AGBL4: variants seen among roughly 807,000 people sequenced by gnomAD.
AGBL4 encodes AGBL carboxypeptidase 4.
In AGBL4, 58 loss-of-function variants were observed where a neutral mutation model predicts 66.4. That is an observed-to-expected ratio of 0.87 (90% CI 0.71 to 1.09). The LOEUF (loss-of-function observed/expected upper bound fraction) is 1.09. Ranked by LOEUF, AGBL4 falls within the 50% of genes least tolerant of loss-of-function variation. The pLI is 0.00. For missense variants in AGBL4, 579 were observed against 631.0 expected, an observed-to-expected ratio of 0.92 and a Z score of 0.88; for synonymous variants, 234 against 222.9, an observed-to-expected ratio of 1.05 and a Z score of -0.44.
chr1:48,949,561 C>T (rs1210439665), intron 5 of AGBL4, among the ~76,000 whole-genome samples: 1 of 152,306 alleles, frequency 6.6e-6, no homozygotes, highest in African/African-American at 2.4e-5. Context: ...ACAAGAGCAT[C>T]CATAAGAGAG....
At chr1:49,939,705 A>G (rs1037341664) in intron 1 of AGBL4, among the ~76,000 whole-genome samples, 1 of 152,220 alleles carries the variant, frequency 6.6e-6, no homozygotes, top group Non-Finnish European at 1.5e-5. Context: ...AATTAATTCA[A>G]GATGGATTAG....
chr1:49,969,352 A>G (rs943552237), intron 1 of AGBL4, among the ~76,000 whole-genome samples: 1 of 152,100 alleles, frequency 6.6e-6, no homozygotes, highest in Non-Finnish European at 1.5e-5. Context: ...GTGTGTGTAT[A>G]TGTGTGGTGT....
rs75933479 is a variant in AGBL4 at position 49,559,093 on chromosome 1, C to T, written c.282+138220G>A. On this transcript the variant is annotated intron_variant, in intron 3 of 13. Transcript: ENST00000371839. Reference sequence around the variant, plus strand: ...AGAGCCCCAGAGCCTTTATGAACATCGGAAGTACCTAAGGTCTTGGGTGAG... The same window carrying T: ...AGAGCCCCAGAGCCTTTATGAACATTGGAAGTACCTAAGGTCTTGGGTGAG... Among the ~76,000 whole-genome samples, 427 of 152,234 alleles carry T rather than the reference C, an allele frequency of 2.8e-3. 5 individuals carry two copies. Among genetic ancestry groups the T allele is most frequent in the African/African-American group, 9.1e-3 (380 of 41,544 alleles).
chr1:48,952,385 A>G (rs1281295981), intron 5 of AGBL4, among the ~76,000 whole-genome samples: 1 of 152,242 alleles, frequency 6.6e-6, no homozygotes, highest in Non-Finnish European at 1.5e-5. Context: ...AATATCAGAT[A>G]ATAATAACAG....
chr1:49,226,676 C>A (rs1456537307), intron 4 of AGBL4, among the ~76,000 whole-genome samples: 1 of 152,168 alleles, frequency 6.6e-6, no homozygotes, highest in Non-Finnish European at 1.5e-5. Context: ...CCATCTTCTA[C>A]TTTAGCCCCT....
chr1:49,753,543 G>A (rs189254638), intron 2 of AGBL4, among the ~76,000 whole-genome samples: 1 of 152,122 alleles, frequency 6.6e-6, no homozygotes, highest in African/African-American at 2.4e-5. Flanking sequence ...ACAATTATGT[G>A]TCTTGGGGTT....
At chr1:48,707,687 G>T (rs1296300355) in intron 6 of AGBL4, among the ~76,000 whole-genome samples, 1 of 152,160 alleles carries the variant, frequency 6.6e-6, no homozygotes, top group Non-Finnish European at 1.5e-5. Context: ...GCTGGGAATT[G>T]GGTGTTTCTC....
At chr1:49,503,508 T>C in intron 3 of AGBL4, among the ~76,000 whole-genome samples, 1 of 152,098 alleles carries the variant, frequency 6.6e-6, no homozygotes, top group East Asian at 1.9e-4. Context: ...GCTTGCTCTG[T>C]GCACCTGGAA....
At chr1:49,537,004 C>G (rs1651645105) in intron 3 of AGBL4, among the ~76,000 whole-genome samples, 2 of 149,116 alleles carry the variant, frequency 1.3e-5, no homozygotes, top group South Asian at 4.2e-4. Flanking sequence ...AAGACTCCAT[C>G]TCAAAAAAAA....
intron 5 of AGBL4, among the ~76,000 whole-genome samples, chr1:49,039,199 T>C (rs910851640): frequency 7.2e-5 from 11 of 152,032 alleles, no homozygotes; most frequent in Non-Finnish European, 4.4e-5. Context: ...GAAGGATGAA[T>C]AGGTGAGGTA....
intron 3 of AGBL4, among the ~76,000 whole-genome samples, chr1:49,267,186 A>G (rs1185397954): frequency 2.6e-5 from 4 of 152,330 alleles, no homozygotes; most frequent in South Asian, 2.1e-4. Flanking sequence ...GCCACTTCCC[A>G]AAAGATGATG....
At chr1:49,750,268 T>G (rs2147834615) in intron 2 of AGBL4, among the ~76,000 whole-genome samples, 1 of 152,294 alleles carries the variant, frequency 6.6e-6, no homozygotes. Context: ...AGTTAATTTT[T>G]GTATAAGGTG....
At chr1:49,727,561 T>C (rs1177216278) in intron 2 of AGBL4, among the ~76,000 whole-genome samples, 1 of 151,908 alleles carries the variant, frequency 6.6e-6, no homozygotes, top group Non-Finnish European at 1.5e-5. Flanking sequence ...TTGAAATGCA[T>C]ATGATTGACA....
chr1:48,706,251 G>T (rs1646878986), intron 6 of AGBL4, among the ~76,000 whole-genome samples: 1 of 151,996 alleles, frequency 6.6e-6, no homozygotes, highest in African/African-American at 2.4e-5. Context: ...GAAGAAAAAT[G>T]CCAAAAGGAA....
rs140702676 is a variant in AGBL4, at chr1:48,862,799, G to T, written c.634+4392C>A. 2.0e-3 allele frequency among the ~76,000 whole-genome samples: 311 copies of T among 152,188 alleles called. 10 individuals are homozygous for T. In the East Asian group the frequency reaches 0.054, roughly 27 times the overall value. ...GCATGCTTTTAAGCTTATATAAATG[G>T]TATTATGCTCCAAACAAAGAAAAAA... On this transcript the variant is annotated intron_variant, in intron 6 of 13. Transcript: ENST00000371839.
intron 3 of AGBL4, among the ~76,000 whole-genome samples, chr1:49,284,661 T>C (rs545263108): frequency 6.6e-6 from 1 of 151,944 alleles, no homozygotes; most frequent in Non-Finnish European, 1.5e-5. Flanking sequence ...AGGGTCAAAA[T>C]AAAAGGATGG....
chr1:49,091,073 T>A (rs939784125), intron 4 of AGBL4, among the ~76,000 whole-genome samples: 1 of 152,044 alleles, frequency 6.6e-6, no homozygotes, highest in Admixed American at 6.5e-5. Flanking sequence ...TTACACCATA[T>A]ACAAAAATAA....
chr1:49,651,256 A>G (rs1645998640), intron 3 of AGBL4, among the ~76,000 whole-genome samples: 1 of 152,148 alleles, frequency 6.6e-6, no homozygotes, highest in African/African-American at 2.4e-5. Flanking sequence ...AGGACAAGGA[A>G]CTGGTGCAGC....
chr1:49,380,739 TG>T (rs1374981372), intron 3 of AGBL4, among the ~76,000 whole-genome samples: 1 of 152,118 alleles, frequency 6.6e-6, no homozygotes, highest in African/African-American at 2.4e-5. Context: ...AAACAAGCAA[TG>T]GGGAAAGGAT....
Sources: allele counts gnomAD v4.1 joint callset (sites outside exome capture counted in the v4.1 genomes callset), GRCh38; gene constraint gnomAD v4.1.1; transcripts MANE v1.5; gene names NCBI Gene and HGNC (gene_info 2026-07-23, HGNC 2026-07-21).